SPPL3: variants seen among roughly 807,000 people sequenced by gnomAD.
SPPL3 encodes the protein signal peptide peptidase-like 3.
A neutral mutation model predicts 42.4 loss-of-function variants in SPPL3; 5 were observed. That is an observed-to-expected ratio of 0.12 (90% CI 0.06 to 0.25). The LOEUF (loss-of-function observed/expected upper bound fraction) is 0.25, where lower values mean the gene tolerates loss of function less well. SPPL3 is among the 10% of genes least tolerant of loss of function. SPPL3 has a pLI of 1.00. For synonymous variants in SPPL3, 195 were observed against 181.8 expected (o/e 1.07, Z -0.58); for missense variants, 235 against 489.0 (o/e 0.48, Z 4.90).
chr12:120,837,498 G>A (rs995359005), intron 1 of SPPL3, among the ~76,000 whole-genome samples: 1 of 152,068 alleles, frequency 6.6e-6, no homozygotes, highest in Admixed American at 6.6e-5. Flanking sequence ...ATCCAAATTG[G>A]TATTTAGCTG....
intron 1 of SPPL3, among the ~76,000 whole-genome samples, chr12:120,828,158 A>G (rs1027685826): frequency 6.6e-6 from 1 of 152,244 alleles, no homozygotes; most frequent in Non-Finnish European, 1.5e-5. Flanking sequence ...TAAATTAGAA[A>G]TCACCCAAAG....
At chr12:120,832,902 A>G (rs537467878) in intron 1 of SPPL3, among the ~76,000 whole-genome samples, 14 of 152,328 alleles carry the variant, frequency 9.2e-5, no homozygotes, top group Non-Finnish European at 1.8e-4. Flanking sequence ...CTTCCAAAGC[A>G]TAAGAGACTA....
At chr12:120,821,492 G>T (rs879578246) in intron 1 of SPPL3, among the ~76,000 whole-genome samples, 1 of 152,076 alleles carries the variant, frequency 6.6e-6, no homozygotes, top group Admixed American at 6.5e-5. Flanking sequence ...GCTGGATAAA[G>T]CAGTTTTGCA....
intron 1 of SPPL3, among the ~76,000 whole-genome samples, chr12:120,850,492 T>TTA (rs1872184435): frequency 1.7e-5 from 2 of 119,394 alleles, no homozygotes; most frequent in Non-Finnish European, 3.5e-5. Context: ...GACCAGCCTT[T>TTA]AAAAAAAAAA....
intron 2 of SPPL3, among the ~76,000 whole-genome samples, chr12:120,792,537 TA>T: frequency 6.6e-6 from 1 of 151,934 alleles, no homozygotes; most frequent in East Asian, 1.9e-4. Context: ...CCGTTTCTAC[TA>T]AAAATACAAA....
Position 120,766,098 on chromosome 12 carries a change from GCGCACACACACA to G in SPPL3, c.1083+153_1083+164del, listed in dbSNP as rs1229913420. Among the ~76,000 whole-genome samples the G allele has an allele frequency of 5.3e-3, 765 of 144,154 alleles. 10 individuals are homozygous for G. The highest frequency in any genetic ancestry group is 0.014 in the African/African-American group (552 of 38,150). 94.6% of individuals were successfully genotyped at this position (144,154 alleles called of 152,430 possible). A position where few individuals can be genotyped will look rare whatever the true frequency, so the allele number is the denominator to read the frequency against. On this transcript the variant is annotated intron_variant, in intron 10 of 10. Coordinates refer to ENST00000353487, the MANE Select transcript of SPPL3 (RefSeq NM_139015.5). ...TTGCTAACGCCAGGGTAGCGCGCGC[GCGCACACACACA>G]CACACACACACACACACACACACAC...
At chr12:120,822,288 T>C (rs892203644) in intron 1 of SPPL3, among the ~76,000 whole-genome samples, 10 of 152,254 alleles carry the variant, frequency 6.6e-5, no homozygotes, top group African/African-American at 2.4e-4. Context: ...CAATAACAAC[T>C]TTTATAAAAC....
In SPPL3 at chr12:120,780,514, C is replaced by T. The variant is rs571588047; in HGVS notation, c.502+2141G>A. 1.2e-4 allele frequency among the ~76,000 whole-genome samples: 18 copies of T among 149,144 alleles called. No homozygotes were observed. In the South Asian group the frequency reaches 1.9e-3, roughly 16 times the overall value. On this transcript the variant is annotated intron_variant, in intron 6 of 10. Coordinates refer to ENST00000353487, the MANE Select transcript of SPPL3 (RefSeq NM_139015.5). ...CTCATGCCTGTGCACTTTGGGAGGC[C>T]GAGGCGGGAGGATCGCCTGGGTCCA...
intron 1 of SPPL3, among the ~76,000 whole-genome samples, chr12:120,855,314 A>G (rs1872415323): frequency 6.6e-6 from 1 of 152,138 alleles, no homozygotes; most frequent in African/African-American, 2.4e-5. Context: ...ATAAAAAACA[A>G]TTTTTGTCAA....
chr12:120,876,616 C>CAAAAAAAAAAAAAAA (rs71076676), intron 1 of SPPL3, among the ~76,000 whole-genome samples: 8 of 51,202 alleles, frequency 1.6e-4, no homozygotes, highest in East Asian at 6.8e-4. Flanking sequence ...GACTCTGTCT[C>CAAAAAAAAAAAAAAA]AAAAAAAAAA....
chr12:120,839,659 T>G (rs1266470437), intron 1 of SPPL3, among the ~76,000 whole-genome samples: 1 of 152,206 alleles, frequency 6.6e-6, no homozygotes, highest in Non-Finnish European at 1.5e-5. Context: ...TATGTACATG[T>G]GACAACACAT....
chr12:120,860,005 C>T (rs992492582), intron 1 of SPPL3, among the ~76,000 whole-genome samples: 3 of 152,134 alleles, frequency 2.0e-5, no homozygotes, highest in African/African-American at 4.8e-5. Context: ...CTTTGGGAGG[C>T]CAAGGCGCAG....
chr12:120,778,036 T>TA (rs1869390924), intron 6 of SPPL3, among the ~76,000 whole-genome samples: 1 of 150,558 alleles, frequency 6.6e-6, no homozygotes, highest in Non-Finnish European at 1.5e-5. Context: ...GAATAACTAC[T>TA]ATGAAAACAG....
chr12:120,851,833 G>A (rs1411626998), intron 1 of SPPL3, among the ~76,000 whole-genome samples: 2 of 152,000 alleles, frequency 1.3e-5, no homozygotes, highest in Admixed American at 1.3e-4. Flanking sequence ...TGAACTCCTG[G>A]GCTCAAGCGA....
At chr12:120,872,881 T>A (rs1473044666) in intron 1 of SPPL3, among the ~76,000 whole-genome samples, 2 of 152,202 alleles carry the variant, frequency 1.3e-5, no homozygotes, top group Non-Finnish European at 2.9e-5. Flanking sequence ...AAACATTACT[T>A]ATCTGTGTGA....
chr12:120,804,461 T>G (rs7137088), intron 2 of SPPL3, among the ~76,000 whole-genome samples: 4,762 of 152,078 alleles, frequency 0.031, 115 homozygotes, highest in Non-Finnish European at 0.046. Flanking sequence ...AGAAGAGACA[T>G]AGATGGCAAA....
chr12:120,859,580 CTT>C (rs895880874), intron 1 of SPPL3, among the ~76,000 whole-genome samples: 44 of 152,266 alleles, frequency 2.9e-4, no homozygotes, highest in African/African-American at 1.0e-3. Context: ...CTTTTTGAAA[CTT>C]ATCTCTACAG....
intron 1 of SPPL3, among the ~76,000 whole-genome samples, chr12:120,826,379 C>T (rs917224612): frequency 6.6e-5 from 10 of 152,132 alleles, no homozygotes; most frequent in Non-Finnish European, 1.3e-4. Flanking sequence ...ACCTGCCTTG[C>T]CCTCTAACAG....
intron 1 of SPPL3, among the ~76,000 whole-genome samples, chr12:120,816,206 G>A (rs1170103030): frequency 6.6e-6 from 1 of 152,054 alleles, no homozygotes. Context: ...CCATATCCTG[G>A]CAGTGAGCAT....
Sources: gnomAD v4.1 joint callset for allele counts (sites outside exome capture counted in the v4.1 genomes callset) on GRCh38, gnomAD v4.1.1 for gene constraint, MANE v1.5 for transcripts, NCBI Gene and HGNC (gene_info 2026-07-23, HGNC 2026-07-21) for gene names.